FOXN2: variants seen among roughly 807,000 people sequenced by gnomAD.
FOXN2 encodes the protein forkhead box N2, also known as forkhead box protein N2.
Under a neutral mutation model 41.2 loss-of-function variants are expected in FOXN2, and 19 were observed. The ratio of observed to expected loss-of-function variants is 0.46; its 90% CI spans 0.32 to 0.68. The LOEUF is 0.68. FOXN2 is among the 30% of genes least tolerant of loss of function. FOXN2 has a pLI of 0.03. For synonymous variants in FOXN2, 195 were observed against 176.8 expected, an observed-to-expected ratio of 1.10 and a Z score of -0.82; for missense variants, 587 against 509.4, an observed-to-expected ratio of 1.15 and a Z score of -1.47.
chr2:48,356,069 A>G (rs1671771754), intron 3 of FOXN2, among the ~76,000 whole-genome samples: 1 of 152,144 alleles, frequency 6.6e-6, no homozygotes, highest in South Asian at 2.1e-4. Context: ...GGTTGCAGTG[A>G]GCCAAGATCG....
chr2:48,367,233 G>A (rs1392081119), intron 5 of FOXN2, among the ~76,000 whole-genome samples: 2 of 152,026 alleles, frequency 1.3e-5, no homozygotes, highest in East Asian at 3.8e-4. Flanking sequence ...GGTTTGGTGT[G>A]TATTTAGAGT....
intron 3 of FOXN2, among the ~76,000 whole-genome samples, chr2:48,354,569 CA>C (rs1158061296): frequency 6.6e-6 from 1 of 152,180 alleles, no homozygotes; most frequent in Non-Finnish European, 1.5e-5. Flanking sequence ...CACTGCACTC[CA>C]GCCTGGCAAC....
chr2:48,353,349 G>A (rs1449932215), intron 3 of FOXN2, among the ~76,000 whole-genome samples: 1 of 152,086 alleles, frequency 6.6e-6, no homozygotes, highest in Non-Finnish European at 1.5e-5. Context: ...ACTTTCAGTG[G>A]AGAGAACATT....
intron 3 of FOXN2, among the ~76,000 whole-genome samples, chr2:48,356,354 T>C (rs1218434299): frequency 6.6e-6 from 1 of 150,846 alleles, no homozygotes; most frequent in Admixed American, 6.6e-5. Flanking sequence ...GGCAAGGGAA[T>C]CGTCCGAACC....
chr2:48,313,665 G>C (rs1282079848), upstream of FOXN2, among the ~76,000 whole-genome samples: 2 of 152,170 alleles, frequency 1.3e-5, no homozygotes, highest in African/African-American at 4.8e-5. Context: ...GCAAACTAGA[G>C]CCTTAGTGCT....
chr2:48,313,715 TCA>T (rs1379786228), upstream of FOXN2, among the ~76,000 whole-genome samples: 1 of 152,226 alleles, frequency 6.6e-6, no homozygotes, highest in Non-Finnish European at 1.5e-5. Context: ...TTTCTAAGTC[TCA>T]GTTTCCATAT....
rs556069671 is a variant in FOXN2 at position 48,362,859 on chromosome 2, A to G, written c.703+152A>G. The G allele has an allele frequency of 2.1e-5, 14 of 665,828 alleles. No homozygotes were observed. In the South Asian group the frequency reaches 2.5e-4, roughly 12 times the overall value. 41.2% of individuals were successfully genotyped at this position (665,828 alleles called of 1,614,324 possible). A position where few individuals can be genotyped will look rare whatever the true frequency, so the allele number is the denominator to read the frequency against. ...TGGTAGCTTGTTGTAACATTGTGGC[A>G]CAACGCATTTACTGAAGTTTGTGGT... On this transcript the variant is annotated intron_variant, in intron 5 of 6. Transcript: ENST00000340553.
At chr2:48,342,484 C>T (rs571241724) in intron 2 of FOXN2, among the ~76,000 whole-genome samples, 9 of 152,136 alleles carry the variant, frequency 5.9e-5, no homozygotes, top group Non-Finnish European at 8.8e-5. Flanking sequence ...TTTAATAATT[C>T]GTGATACACA....
At chr2:48,321,555 A>G (rs1199705475) in intron 1 of FOXN2, among the ~76,000 whole-genome samples, 1 of 151,928 alleles carries the variant, frequency 6.6e-6, no homozygotes, top group Non-Finnish European at 1.5e-5. Context: ...ATTTTAGTAC[A>G]TTTTATGTGG....
chr2:48,372,978 G>A (rs1238568081), intron 5 of FOXN2, among the ~76,000 whole-genome samples: 1 of 150,272 alleles, frequency 6.7e-6, no homozygotes, highest in African/African-American at 2.4e-5. Flanking sequence ...ATCTGTTTAA[G>A]GGGAAACCTT....
rs1162982857 is a variant in FOXN2 at position 48,328,541 on chromosome 2, C to T, written c.-156-20C>T. The T allele has an allele frequency of 6.6e-6, 1 of 152,010 alleles. No individual in the cohort carries two copies. Among genetic ancestry groups the T allele is most frequent in the Non-Finnish European group, 1.5e-5 (1 of 67,988 alleles). 9.4% of individuals were successfully genotyped at this position (152,010 alleles called of 1,614,324 possible). A position where few individuals can be genotyped will look rare whatever the true frequency, so the allele number is the denominator to read the frequency against. On this transcript the variant is annotated intron_variant, in intron 1 of 6. Coordinates refer to ENST00000340553, the MANE Select transcript of FOXN2 (RefSeq NM_002158.4). ...GACACAACCAACCTTTTTTTCCCCC[C>T]AAATATTTCTGATGTGCAGTTGGTT... is the stretch of plus-strand genomic sequence containing the variant.
chr2:48,350,310 G>T (rs1671370273), intron 3 of FOXN2, among the ~76,000 whole-genome samples: 1 of 152,232 alleles, frequency 6.6e-6, no homozygotes, highest in African/African-American at 2.4e-5. Context: ...GGACAAAAGT[G>T]AGTGACCACT....
intron 4 of FOXN2, among the ~76,000 whole-genome samples, chr2:48,360,011 G>A (rs1402664152): frequency 6.6e-6 from 1 of 151,866 alleles, no homozygotes; most frequent in Non-Finnish European, 1.5e-5. Context: ...TAAATGTTTG[G>A]CAAATAAAAT....
rs1671118652 is a variant in FOXN2, at chr2:48,346,607, A to G, written c.393A>G (p.Lys131=). 3.1e-6 allele frequency: 5 copies of G among 1,614,016 alleles called. No individual in the cohort carries two copies. The highest frequency in any genetic ancestry group is 1.3e-5 in the African/African-American group (1 of 74,910). Residue 131 remains lysine, a synonymous_variant, in exon 3 of 7, where the codon AAA becomes AAG. Coordinates refer to ENST00000340553, the MANE Select transcript of FOXN2 (RefSeq NM_002158.4). ...TGGCCATTGAGCACTCTCCAAATAA[A>G]TGTTTGCCTGTCAAAGAAATTTATA... The part of the protein sequence containing the change: ...IYMAIEHSPN[K]CLPVKEIYSW...
In FOXN2 at chr2:48,377,859, C is replaced by G. The variant is rs922469855; in HGVS notation, c.*2416C>G. The G allele has an allele frequency of 2.6e-5, 4 of 151,984 alleles. No individual in the cohort carries two copies. Among genetic ancestry groups the G allele is most frequent in the African/African-American group, 9.7e-5 (4 of 41,416 alleles). The allele number at this position is 151,984 out of a possible 1,614,324, so 9.4% of individuals were successfully genotyped here. ...TTCCACTGAGAGTATGCTCTCATTC[C>G]TCAGGTGTTTTGAGAAACATGACTA... On this transcript the variant is annotated 3_prime_UTR_variant, in exon 7 of 7. Coordinates refer to ENST00000340553, the MANE Select transcript of FOXN2 (RefSeq NM_002158.4).
chr2:48,354,614 T>C (rs987772676), intron 3 of FOXN2, among the ~76,000 whole-genome samples: 4 of 152,170 alleles, frequency 2.6e-5, no homozygotes, highest in African/African-American at 4.8e-5. Context: ...CAAAAAAAAG[T>C]GCTGTGCTGA....
chr2:48,341,113 A>G (rs1368258135), intron 2 of FOXN2, among the ~76,000 whole-genome samples: 1 of 152,058 alleles, frequency 6.6e-6, no homozygotes, highest in African/African-American at 2.4e-5. Context: ...TCACAATTTT[A>G]TGTGGTTCAT....
At chr2:48,367,956 C>T (rs1409156081) in intron 5 of FOXN2, among the ~76,000 whole-genome samples, 2 of 152,204 alleles carry the variant, frequency 1.3e-5, no homozygotes, top group African/African-American at 4.8e-5. Flanking sequence ...GATTCTCCTG[C>T]CTCAGCCTCC....
chr2:48,367,001 G>A (rs761646963), intron 5 of FOXN2, among the ~76,000 whole-genome samples: 12 of 152,094 alleles, frequency 7.9e-5, no homozygotes, highest in Non-Finnish European at 1.5e-4. Context: ...TTATATTAGA[G>A]CTACCTTTAG....
Sources: allele counts gnomAD v4.1 joint callset (sites outside exome capture counted in the v4.1 genomes callset), GRCh38; gene constraint gnomAD v4.1.1; transcripts MANE v1.5; gene names NCBI Gene and HGNC (gene_info 2026-07-23, HGNC 2026-07-21).